Variants in WDPCP observed in about 807,000 individuals in gnomAD.
WDPCP encodes the protein WD repeat containing planar cell polarity effector, also known as WD repeat-containing and planar cell polarity effector protein fritz homolog.
In WDPCP, 71 loss-of-function variants were observed where a neutral mutation model predicts 93.1. The ratio of observed to expected loss-of-function variants is 0.76; its 90% CI spans 0.63 to 0.93. The LOEUF is 0.93. WDPCP is among the 40% of genes least tolerant of loss of function. The pLI, the probability that WDPCP is intolerant of heterozygous loss-of-function variation, is 0.00. For missense variants in WDPCP, 844 were observed against 887.4 expected, an observed-to-expected ratio of 0.95 and a Z score of 0.62; for synonymous variants, 315 against 315.0, an observed-to-expected ratio of 1.00 and a Z score of 0.00.
intron 1 of WDPCP, among the ~76,000 whole-genome samples, chr2:63,493,968 C>T (rs1489071607): frequency 6.6e-6 from 1 of 152,068 alleles, no homozygotes; most frequent in African/African-American, 2.4e-5. Flanking sequence ...TTAGGAGTGA[C>T]TAAAAATATT....
intron 3 of WDPCP, among the ~76,000 whole-genome samples, chr2:63,641,631 G>C (rs763268629): frequency 6.6e-6 from 1 of 151,722 alleles, no homozygotes; most frequent in African/African-American, 2.4e-5. Flanking sequence ...CCATTTTTTG[G>C]ATTGGATTAC....
chr2:63,280,167 A>G (rs1276474950), intron 13 of WDPCP, among the ~76,000 whole-genome samples: 2 of 152,188 alleles, frequency 1.3e-5, no homozygotes, highest in Admixed American at 1.3e-4. Flanking sequence ...GTTCATTTGC[A>G]TGCTGCTGAT....
intron 12 of WDPCP, among the ~76,000 whole-genome samples, chr2:63,349,576 A>G (rs1404009469): frequency 1.3e-5 from 2 of 152,172 alleles, no homozygotes; most frequent in Non-Finnish European, 2.9e-5. Context: ...TCATTAATCA[A>G]TTAATAATGA....
At chr2:63,399,628 C>G (rs531747292) in intron 10 of WDPCP, among the ~76,000 whole-genome samples, 5 of 148,858 alleles carry the variant, frequency 3.4e-5, no homozygotes, top group African/African-American at 9.9e-5. Flanking sequence ...GAGAGAGAGA[C>G]AGAGTATGTG....
intron 14 of WDPCP, among the ~76,000 whole-genome samples, chr2:63,207,294 C>G (rs987618596): frequency 1.3e-5 from 2 of 152,102 alleles, no homozygotes; most frequent in African/African-American, 4.8e-5. Context: ...AGTGAGTTCT[C>G]ACAAGATTTG....
At chr2:63,403,445 G>A (rs941468707) in intron 10 of WDPCP, among the ~76,000 whole-genome samples, 11 of 151,800 alleles carry the variant, frequency 7.2e-5, no homozygotes, top group Admixed American at 6.6e-4. Flanking sequence ...AAATTCTCTT[G>A]GTTGAAATGG....
intron 1 of WDPCP, among the ~76,000 whole-genome samples, chr2:63,548,975 G>A (rs189151152): frequency 7.2e-5 from 11 of 152,262 alleles, no homozygotes; most frequent in East Asian, 1.9e-4. Context: ...TTGGCCAGGC[G>A]TGGTGGCTCA....
At chr2:63,270,282 C>T (rs1431454006) in intron 13 of WDPCP, among the ~76,000 whole-genome samples, 1 of 152,112 alleles carries the variant, frequency 6.6e-6, no homozygotes, top group Admixed American at 6.5e-5. Context: ...TGTATATTCT[C>T]ATGTTAGAAT....
chr2:63,622,954 AC>A, intron 3 of WDPCP: 1 of 804,060 alleles, frequency 1.2e-6, no homozygotes, highest in Non-Finnish European at 2.0e-6. Flanking sequence ...TAGCTCAGTC[AC>A]CACCGCACGG....
chr2:63,684,554 A>G (rs1313827901), intron 2 of WDPCP: 2 of 714,238 alleles, frequency 2.8e-6, no homozygotes, highest in Non-Finnish European at 5.2e-6. Flanking sequence ...AATGCCCACA[A>G]GGTACTCTGT....
chr2:63,443,447 G>A (rs1697638246), intron 6 of WDPCP, among the ~76,000 whole-genome samples: 1 of 152,178 alleles, frequency 6.6e-6, no homozygotes, highest in East Asian at 1.9e-4. Flanking sequence ...TCGAGGCAGA[G>A]AGAAGAGCTA....
At position 63,666,543 on chromosome 2, in the gene WDPCP, C is replaced by T. The variant is rs528237872; in HGVS notation, n.309-15705G>A. ...CTACTGTTTTGGTGAATTCATTTCA[C>T]GCATAATCCTGCAGAACTGAATTTT... On this transcript the variant is annotated intron_variant and non_coding_transcript_variant, in intron 2 of 4. Coordinates refer to the WDPCP transcript ENST00000467687. Among the ~76,000 whole-genome samples, 250 of 152,308 alleles carry T rather than the reference C, an allele frequency of 1.6e-3. 3 individuals carry two copies. Among genetic ancestry groups the T allele is most frequent in the Middle Eastern group, 6.8e-3 (2 of 294 alleles).
rs749726622 is a variant in WDPCP, at chr2:63,404,224, C to T, written c.1259G>A (p.Arg420His). Residue 420 changes from arginine (R) to histidine (H), a missense_variant, in exon 10 of 18, where the codon CGC becomes CAC. By Grantham distance (29) the Arg-to-His change is conservative. Transcript: ENST00000272321. ...PINIQLLAEDRLPRETLQFSK... is the reference protein window; with the variant it reads ...PINIQLLAEDHLPRETLQFSK... ...GAATTGCAGAGTCTCCCTGGGTAAG[C>T]GGTCTTCAGCCAACAGTTGGATGTT... is the stretch of plus-strand genomic sequence containing the variant. 29 of 1,613,434 alleles carry T rather than the reference C, an allele frequency of 1.8e-5. No homozygotes were observed. Among genetic ancestry groups the T allele is most frequent in the East Asian group, 1.1e-4 (5 of 44,876 alleles).
At chr2:63,405,983 T>C (rs1694547412) in intron 9 of WDPCP, among the ~76,000 whole-genome samples, 1 of 152,148 alleles carries the variant, frequency 6.6e-6, no homozygotes, top group South Asian at 2.1e-4. Context: ...TGACAGTGTA[T>C]TGCAGTAATG....
At position 63,575,518 on chromosome 2, in the gene WDPCP, A is replaced by ATATACAGTGTATGCACT. The variant is rs1427622731; in HGVS notation, c.75+12678_75+12679insAGTGCATACACTGTATA. On this transcript the variant is annotated intron_variant, in intron 1 of 17. Coordinates refer to ENST00000272321, the MANE Select transcript of WDPCP (RefSeq NM_015910.7). ...TATACAGTATATACACTGTATATATAGTATATACAGTATATACACTGTATA... is the reference window on the plus strand; with the variant it reads ...TATACAGTATATACACTGTATATATATATACAGTGTATGCACTGTATATACAGTATATACACTGTATA... Among the ~76,000 whole-genome samples, 187 of 74,298 alleles carry ATATACAGTGTATGCACT rather than the reference A, an allele frequency of 2.5e-3. 32 individuals are homozygous for ATATACAGTGTATGCACT. Among genetic ancestry groups the ATATACAGTGTATGCACT allele is most frequent in the African/African-American group, 3.6e-3 (60 of 16,876 alleles). 48.7% of individuals were successfully genotyped at this position (74,298 alleles called of 152,430 possible).
At chr2:63,751,583 C>T (rs1441627604) in intron 2 of WDPCP, 4 of 446,386 alleles carry the variant, frequency 9.0e-6, no homozygotes, top group Non-Finnish European at 1.7e-5. Flanking sequence ...AGCAGCTAGG[C>T]CCTGCCACCA....
At position 63,708,215 on chromosome 2, in the gene WDPCP, G is replaced by A. The variant is rs112251342; in HGVS notation, n.309-57377C>T. Reference sequence around the variant, plus strand: ...GCTGTCTTTTGTTTGTCTGTGCCCTGCCCCCAGAGGTGGAGCCTACAGAGG... The same window carrying A: ...GCTGTCTTTTGTTTGTCTGTGCCCTACCCCCAGAGGTGGAGCCTACAGAGG... On this transcript the variant is annotated intron_variant and non_coding_transcript_variant, in intron 2 of 4. Coordinates refer to the WDPCP transcript ENST00000467687. Among the ~76,000 whole-genome samples the A allele has an allele frequency of 2.0e-5, 3 of 152,274 alleles. No individual in the cohort carries two copies. The East Asian group carries it at 5.8e-4, about 29-fold the overall frequency.
At chr2:63,392,583 A>T (rs1250315276) in intron 10 of WDPCP, among the ~76,000 whole-genome samples, 1 of 152,234 alleles carries the variant, frequency 6.6e-6, no homozygotes, top group Non-Finnish European at 1.5e-5. Context: ...AGAAACTACC[A>T]TTAGAGTGAA....
intron 2 of WDPCP, chr2:63,813,532 G>C (rs961994887): frequency 3.3e-5 from 5 of 152,280 alleles, no homozygotes; most frequent in African/African-American, 1.2e-4. Flanking sequence ...AACAGGACAT[G>C]CCTATGCACA....
Sources: gnomAD v4.1 joint callset for allele counts (sites outside exome capture counted in the v4.1 genomes callset) on GRCh38, gnomAD v4.1.1 for gene constraint, MANE v1.5 for transcripts, NCBI Gene and HGNC (gene_info 2026-07-23, HGNC 2026-07-21) for gene names.